The following RPS6KA2 variants were observed in gnomAD, a reference collection of about 807,000 sequenced individuals.
RPS6KA2 encodes ribosomal protein S6 kinase alpha-2.
A neutral mutation model predicts 91.8 loss-of-function variants in RPS6KA2; 42 were observed. That is an observed-to-expected ratio of 0.46 (90% CI 0.36 to 0.59). The LOEUF (loss-of-function observed/expected upper bound fraction) is 0.59, where lower values mean the gene tolerates loss of function less well. RPS6KA2 is among the 20% of genes least tolerant of loss of function. The pLI, the probability that RPS6KA2 is intolerant of heterozygous loss-of-function variation, is 0.00. For missense variants in RPS6KA2, 798 were observed against 978.5 expected (o/e 0.82, Z 2.46); for synonymous variants, 414 against 393.6 (o/e 1.05, Z -0.61).
At chr6:166,514,043 G>C (rs1240458693) in intron 3 of RPS6KA2, among the ~76,000 whole-genome samples, 1 of 152,168 alleles carries the variant, frequency 6.6e-6, no homozygotes, top group South Asian at 2.1e-4. Context: ...CTCTATGTAG[G>C]TGAACTGGAA....
chr6:166,732,129 T>G lies in RPS6KA2; in HGVS notation c.123+126071A>C, dbSNP rs1413920170. 4.0e-5 allele frequency among the ~76,000 whole-genome samples: 6 copies of G among 150,024 alleles called. No individual in the cohort carries two copies. The highest frequency in any genetic ancestry group is 4.4e-5 in the Non-Finnish European group (3 of 67,982). ...TTCCTTTTTCTTTTCCTTTTTGTTT[T>G]ACCAATAAATAAATAAATAACCAAG... On this transcript the variant is annotated intron_variant, in intron 2 of 21. Coordinates refer to the RPS6KA2 transcript ENST00000503859. This position sits in a 1 kb window ranked among gnomAD's most constrained non-coding sequence, Gnocchi z 4.0.
chr6:166,743,054 C>T (rs1790859895), intron 2 of RPS6KA2, among the ~76,000 whole-genome samples: 1 of 152,194 alleles, frequency 6.6e-6, no homozygotes. Context: ...CAAAAGAGGA[C>T]AAGAATGGCC....
At chr6:166,830,385 C>T (rs1397707381) in intron 2 of RPS6KA2, among the ~76,000 whole-genome samples, 1 of 152,090 alleles carries the variant, frequency 6.6e-6, no homozygotes, top group Admixed American at 6.5e-5. Flanking sequence ...TAGTTTTTAA[C>T]AGGCAGAGAG....
At chr6:166,489,020 C>A in intron 9 of RPS6KA2, 99 bp from the exon 10 acceptor site, 1 of 969,600 alleles carries the variant, frequency 1.0e-6, no homozygotes, top group South Asian at 1.4e-5. Flanking sequence ...ATCGCAGTCA[C>A]CCAGAGCAGC....
In RPS6KA2 at chr6:166,701,468, T is replaced by C; in HGVS notation, c.123+156732A>G. On this transcript the variant is annotated intron_variant, in intron 2 of 21. Coordinates refer to the RPS6KA2 transcript ENST00000503859. The stretch of plus-strand genomic sequence containing the variant: ...CGAGCCTCTGGTGATCCAGCGATCA[T>C]CACCATCCTCACCTTAGCATCTGGT... 7.0e-6 allele frequency: 8 copies of C among 1,149,394 alleles called. No individual in the cohort carries two copies. In the South Asian group the frequency reaches 8.6e-5, roughly 12 times the overall value. The allele number at this position is 1,149,394 out of a possible 1,614,324, so 71.2% of individuals were successfully genotyped here. A position where few individuals can be genotyped will look rare whatever the true frequency, so the allele number is the denominator to read the frequency against.
At chr6:166,505,252 C>T (rs535765897) in intron 5 of RPS6KA2, among the ~76,000 whole-genome samples, 3 of 152,188 alleles carry the variant, frequency 2.0e-5, no homozygotes, top group South Asian at 2.1e-4. Context: ...CGGGATCCCA[C>T]GTAGCTGGGA....
chr6:166,701,209 T>C, intron 2 of RPS6KA2: 1 of 1,612,188 alleles, frequency 6.2e-7, no homozygotes, highest in East Asian at 2.2e-5. Flanking sequence ...AGCATAGAAG[T>C]GACCAGTTAT....
intron 15 of RPS6KA2, among the ~76,000 whole-genome samples, chr6:166,431,800 G>C (rs1420481770): frequency 6.6e-6 from 1 of 152,052 alleles, no homozygotes; most frequent in African/African-American, 2.4e-5. Context: ...ATTTTTAGTA[G>C]AGATGGGGTT....
intron 3 of RPS6KA2, among the ~76,000 whole-genome samples, chr6:166,514,682 T>TGG (rs912271870): frequency 1.3e-5 from 2 of 152,220 alleles, no homozygotes; most frequent in Non-Finnish European, 2.9e-5. Context: ...ATGTGGAGGA[T>TGG]GCAATAGCAA....
chr6:166,659,419 C>T (rs982681199), intron 2 of RPS6KA2, among the ~76,000 whole-genome samples: 2 of 152,162 alleles, frequency 1.3e-5, no homozygotes, highest in African/African-American at 2.4e-5. Context: ...CTCAGGAAGA[C>T]GATCGTGCAG....
chr6:166,456,744 G>A (rs1482665705), intron 12 of RPS6KA2, among the ~76,000 whole-genome samples: 1 of 152,200 alleles, frequency 6.6e-6, no homozygotes, highest in Non-Finnish European at 1.5e-5. Context: ...CTACTCTCCT[G>A]TACAAATCAG....
chr6:166,450,643 G>C (rs1269670869), intron 13 of RPS6KA2, among the ~76,000 whole-genome samples: 2 of 143,870 alleles, frequency 1.4e-5, no homozygotes, highest in Admixed American at 1.4e-4. Flanking sequence ...CCACCCCAGG[G>C]ACCACCCTGG....
chr6:166,463,612 G>C (rs1161313621), intron 11 of RPS6KA2: 4 of 152,152 alleles, frequency 2.6e-5, no homozygotes, highest in South Asian at 4.2e-4. Context: ...GAAGAGGACC[G>C]AGACAGCAAC....
At chr6:166,707,481 T>TG (rs34196197) in intron 2 of RPS6KA2, among the ~76,000 whole-genome samples, 1 of 152,104 alleles carries the variant, frequency 6.6e-6, no homozygotes, top group African/African-American at 2.4e-5. Context: ...GACTGGGTGG[T>TG]GGGGAAGTGG....
chr6:166,697,049 G>GTA (rs1007520900), intron 2 of RPS6KA2, among the ~76,000 whole-genome samples: 3 of 140,212 alleles, frequency 2.1e-5, no homozygotes, highest in South Asian at 2.1e-4. Flanking sequence ...ATCTGTGTGT[G>GTA]TATATATATG....
At chr6:166,647,879 G>C (rs111497181) in intron 2 of RPS6KA2, among the ~76,000 whole-genome samples, 37 of 66,098 alleles carry the variant, frequency 5.6e-4, no homozygotes, top group Admixed American at 2.1e-3. Flanking sequence ...TGCACATGCT[G>C]ACACACATAC....
chr6:166,797,778 T>A (rs1779262475), intron 2 of RPS6KA2, among the ~76,000 whole-genome samples: 1 of 152,112 alleles, frequency 6.6e-6, no homozygotes, highest in Admixed American at 6.5e-5. Flanking sequence ...TGGCAATTAG[T>A]TTTTATTAGA....
chr6:166,654,512 C>T (rs1562366366), intron 2 of RPS6KA2, among the ~76,000 whole-genome samples: 1 of 150,562 alleles, frequency 6.6e-6, no homozygotes, highest in Non-Finnish European at 1.5e-5. Flanking sequence ...ATATAATTTA[C>T]TCGCCTGAGA....
At chr6:166,642,555 A>G (rs549316839) in intron 2 of RPS6KA2, among the ~76,000 whole-genome samples, 1 of 152,390 alleles carries the variant, frequency 6.6e-6, no homozygotes. Context: ...TTCTGAAGAT[A>G]AAGAGGCTTG....
Sources: gnomAD v4.1 joint callset for allele counts (sites outside exome capture counted in the v4.1 genomes callset) on GRCh38, gnomAD v4.1.1 for gene constraint, Gnocchi (gnomAD v3.1) non-coding constraint, MANE v1.5 for transcripts, NCBI Gene and HGNC (gene_info 2026-07-23, HGNC 2026-07-21) for gene names.